ADAM9: variants seen among roughly 807,000 people sequenced by gnomAD.
ADAM9 encodes the protein ADAM metallopeptidase domain 9.
In ADAM9, 54 loss-of-function variants were observed where a neutral mutation model predicts 108.1. That is an observed-to-expected ratio of 0.50 (90% CI 0.40 to 0.63). The LOEUF (loss-of-function observed/expected upper bound fraction) is 0.63, where lower values mean the gene tolerates loss of function less well. Ranked by LOEUF, ADAM9 falls within the 20% of genes least tolerant of loss-of-function variation. ADAM9 has a pLI of 0.00. For synonymous variants in ADAM9, 316 were observed against 336.0 expected, an observed-to-expected ratio of 0.94 and a Z score of 0.65; for missense variants, 830 against 997.7, an observed-to-expected ratio of 0.83 and a Z score of 2.26.
At chr8:39,069,352 A>G (rs1406311518) in intron 14 of ADAM9, among the ~76,000 whole-genome samples, 2 of 152,200 alleles carry the variant, frequency 1.3e-5, no homozygotes, top group Non-Finnish European at 2.9e-5. Flanking sequence ...GATTTTAAAG[A>G]TAAGTCAATT....
chr8:39,072,269 G>A (rs1838718227), intron 15 of ADAM9, among the ~76,000 whole-genome samples: 1 of 152,052 alleles, frequency 6.6e-6, no homozygotes, highest in Non-Finnish European at 1.5e-5. Context: ...TTACATAGTT[G>A]GAATTATTCT....
intron 1 of ADAM9, among the ~76,000 whole-genome samples, chr8:39,000,043 G>A (rs1195037291): frequency 1.4e-5 from 2 of 146,314 alleles, no homozygotes; most frequent in Admixed American, 6.8e-5. Context: ...TTTTTTTTTT[G>A]AGATGGAGTC....
intron 12 of ADAM9, among the ~76,000 whole-genome samples, chr8:39,043,774 C>T (rs1437296326): frequency 6.6e-6 from 1 of 152,122 alleles, no homozygotes; most frequent in Non-Finnish European, 1.5e-5. Flanking sequence ...CCTCACACCC[C>T]TCCCATGCTC....
intron 14 of ADAM9, among the ~76,000 whole-genome samples, chr8:39,058,462 T>C (rs1483980376): frequency 6.6e-6 from 1 of 152,212 alleles, no homozygotes; most frequent in Non-Finnish European, 1.5e-5. Context: ...TAGATTGGGT[T>C]GTTAAAGTTT....
chr8:39,045,151 T>C lies in ADAM9; in HGVS notation c.1302+3034T>C, dbSNP rs368085704. 1.2e-4 allele frequency among the ~76,000 whole-genome samples: 13 copies of C among 111,036 alleles called. No individual in the cohort carries two copies. In the East Asian group the frequency reaches 2.7e-3, roughly 23 times the overall value. 72.8% of individuals were successfully genotyped at this position (111,036 alleles called of 152,430 possible). On this transcript the variant is annotated intron_variant, in intron 12 of 21. Transcript: ENST00000487273. ...GCATACATACATATATGTGTATATA[T>C]GTGTATACATACATATATGTGTATA... is the stretch of plus-strand genomic sequence containing the variant.
intron 8 of ADAM9, 58 bp downstream of exon 8, chr8:39,021,772 C>G (rs1185435445): frequency 6.8e-7 from 1 of 1,471,832 alleles, no homozygotes; most frequent in Non-Finnish European, 9.5e-7. Context: ...AGTCCCAGAA[C>G]AGAACTTAAA....
intron 15 of ADAM9, among the ~76,000 whole-genome samples, chr8:39,074,573 A>G (rs956632016): frequency 2.6e-5 from 4 of 151,978 alleles, no homozygotes; most frequent in Admixed American, 6.6e-5. Context: ...ATCACACCTA[A>G]CAAAATGAAT....
In ADAM9 at chr8:39,045,324, A is replaced by G. The variant is rs189040282; in HGVS notation, c.1302+3207A>G. ...TATACATGTGTGTGTACACCTATAC[A>G]TGTGTGTGTACACCTATACATGTGT... On this transcript the variant is annotated intron_variant, in intron 12 of 21. Transcript: ENST00000487273. 1.5e-3 allele frequency among the ~76,000 whole-genome samples: 225 copies of G among 146,282 alleles called. 6 individuals carry two copies. Among genetic ancestry groups the G allele is most frequent in the African/African-American group, 5.5e-3 (215 of 38,992 alleles).
At chr8:39,081,123 ATT>A (rs982923463) in intron 16 of ADAM9, among the ~76,000 whole-genome samples, 1 of 151,568 alleles carries the variant, frequency 6.6e-6, no homozygotes, top group Non-Finnish European at 1.5e-5. Flanking sequence ...AATTTTTGTG[ATT>A]TTAGTGGAGA....
intron 20 of ADAM9, among the ~76,000 whole-genome samples, chr8:39,094,767 TCTC>T (rs1253139425): frequency 2.0e-5 from 3 of 152,122 alleles, no homozygotes; most frequent in African/African-American, 7.2e-5. Flanking sequence ...TGTAATGTCT[TCTC>T]TTTCATTTCT....
chr8:39,080,592 G>C (rs1479659413), intron 16 of ADAM9, among the ~76,000 whole-genome samples: 1 of 152,184 alleles, frequency 6.6e-6, no homozygotes, highest in Non-Finnish European at 1.5e-5. Context: ...TCACACGGCA[G>C]ATAGGATCCT....
intron 2 of ADAM9, among the ~76,000 whole-genome samples, chr8:39,010,609 T>G (rs1439990081): frequency 6.6e-6 from 1 of 152,220 alleles, no homozygotes; most frequent in Non-Finnish European, 1.5e-5. Flanking sequence ...GTCACATCTC[T>G]TAGTTCCAGA....
chr8:39,103,563 A>C, intron 21 of ADAM9, 44 bp from the exon 22 acceptor site: 1 of 1,559,972 alleles, frequency 6.4e-7, no homozygotes, highest in Non-Finnish European at 8.8e-7. Context: ...GCATTATTTC[A>C]CCCAGTCTAA....
intron 14 of ADAM9, 83 bp downstream of exon 14, chr8:39,055,855 ATTGATAAAG>A: frequency 7.2e-7 from 1 of 1,387,546 alleles, no homozygotes; most frequent in South Asian, 1.3e-5. Context: ...ATGAAACATT[ATTGATAAAG>A]TTGAGGCTCT....
At chr8:39,103,579 CTATT>C (rs1839766754) in intron 21 of ADAM9, 24 bp from the exon 22 acceptor site, 1 of 1,599,688 alleles carries the variant, frequency 6.3e-7, no homozygotes, top group African/African-American at 1.3e-5. Flanking sequence ...TCTAAACACT[CTATT>C]AACTATCTCT....
intron 14 of ADAM9, among the ~76,000 whole-genome samples, chr8:39,059,006 A>G (rs963576886): frequency 5.3e-5 from 8 of 152,192 alleles, no homozygotes; most frequent in African/African-American, 1.9e-4. Context: ...TGAGTCTCCA[A>G]AAGGCATTTC....
At chr8:39,016,239 C>A in intron 5 of ADAM9, 45 bp downstream of exon 5, 1 of 1,496,692 alleles carries the variant, frequency 6.7e-7, no homozygotes, top group Non-Finnish European at 9.3e-7. Flanking sequence ...TCCCCTATGT[C>A]TTACCCTCTT....
intron 11 of ADAM9, among the ~76,000 whole-genome samples, chr8:39,028,856 C>T (rs182276678): frequency 8.7e-4 from 132 of 152,080 alleles, no homozygotes; most frequent in Non-Finnish European, 1.5e-3. Flanking sequence ...ATTGGGAGGA[C>T]GGAGGGTGGT....
chr8:39,013,915 A>T (rs1355856810), intron 3 of ADAM9, 50 bp from the exon 4 acceptor site: 2 of 1,384,984 alleles, frequency 1.4e-6, no homozygotes, highest in Non-Finnish European at 2.1e-6. Context: ...TCGTGTCCTT[A>T]GTTGTAGATA....
Sources: allele counts gnomAD v4.1 joint callset (sites outside exome capture counted in the v4.1 genomes callset), GRCh38; gene constraint gnomAD v4.1.1; transcripts MANE v1.5; gene names NCBI Gene and HGNC (gene_info 2026-07-23, HGNC 2026-07-21).